Variants in CATSPERE observed in about 807,000 individuals in gnomAD.
CATSPERE encodes the protein cation channel sperm-associated auxiliary subunit epsilon.
Under a neutral mutation model 114.1 loss-of-function variants are expected in CATSPERE, and 93 were observed. The observed-to-expected ratio is 0.81, with a 90% CI of 0.69 to 0.97. CATSPERE has a LOEUF of 0.97. CATSPERE is among the 50% of genes least tolerant of loss of function. The pLI is 0.00. For missense variants in CATSPERE, 1,058 were observed against 1,131.6 expected, an observed-to-expected ratio of 0.93 and a Z score of 0.93; for synonymous variants, 341 against 384.1, an observed-to-expected ratio of 0.89 and a Z score of 1.31.
intron 8 of CATSPERE, among the ~76,000 whole-genome samples, chr1:244,547,776 A>G (rs1659989071): frequency 1.3e-5 from 2 of 152,214 alleles, no homozygotes; most frequent in Non-Finnish European, 2.9e-5. Flanking sequence ...GAAAAGATCT[A>G]TAAAACAACT....
intron 8 of CATSPERE, among the ~76,000 whole-genome samples, chr1:244,542,833 AAAC>A (rs1659073630): frequency 6.6e-6 from 1 of 152,194 alleles, no homozygotes; most frequent in Non-Finnish European, 1.5e-5. Flanking sequence ...TACAGATTCC[AAAC>A]AACAATACAA....
chr1:244,502,446 C>T (rs1020425033), intron 7 of CATSPERE, among the ~76,000 whole-genome samples: 4 of 152,104 alleles, frequency 2.6e-5, no homozygotes, highest in African/African-American at 7.2e-5. Flanking sequence ...AGTTCGTTTT[C>T]ATCTAATAGA....
Position 244,607,666 on chromosome 1 carries a change from CA to C in CATSPERE, c.2403+1873del, listed in dbSNP as rs1020769754. Among the ~76,000 whole-genome samples, 1 of 152,216 alleles carries C rather than the reference CA, an allele frequency of 6.6e-6. No homozygotes were observed. The highest frequency in any genetic ancestry group is 2.4e-5 in the African/African-American group (1 of 41,450). On this transcript the variant is annotated intron_variant, in intron 18 of 21. Coordinates refer to ENST00000366534, the MANE Select transcript of CATSPERE (RefSeq NM_001130957.2). The surrounding 1 kb of genome is among the most constrained non-coding windows in gnomAD (Gnocchi z 4.4). ...CATCATACCTCACATCAGTGTATTA[CA>C]GCAACAAGTAAGGCTGGAGTAGATG... is the stretch of plus-strand genomic sequence containing the variant.
chr1:244,481,297 A>C (rs1670227427), intron 5 of CATSPERE, among the ~76,000 whole-genome samples: 1 of 151,618 alleles, frequency 6.6e-6, no homozygotes, highest in African/African-American at 2.4e-5. Flanking sequence ...AAAATACAAA[A>C]AGAATTAGCC....
At chr1:244,497,441 C>T (rs1201957553) in intron 6 of CATSPERE, among the ~76,000 whole-genome samples, 1 of 152,030 alleles carries the variant, frequency 6.6e-6, no homozygotes, top group Non-Finnish European at 1.5e-5. Context: ...CCAAGTGGAA[C>T]TTGAACATAT....
chr1:244,596,044 T>TA (rs1403632600), intron 17 of CATSPERE, among the ~76,000 whole-genome samples: 2 of 152,210 alleles, frequency 1.3e-5, no homozygotes, highest in Non-Finnish European at 2.9e-5. Context: ...ACTGTATTGG[T>TA]AGTCCTGGTG....
At chr1:244,578,841 T>TATATATATATATATAC (rs1260605917) in intron 11 of CATSPERE, among the ~76,000 whole-genome samples, 1 of 146,632 alleles carries the variant, frequency 6.8e-6, no homozygotes, top group African/African-American at 2.5e-5. Flanking sequence ...TATATATATA[T>TATATATATATATATAC]ATACACACAC....
intron 20 of CATSPERE, among the ~76,000 whole-genome samples, chr1:244,625,363 A>C (rs1477920092): frequency 4.3e-3 from 37 of 8,632 alleles, no homozygotes; most frequent in Non-Finnish European, 0.018. Flanking sequence ...GGGGGGGTTT[A>C]TTTATTTATT....
intron 7 of CATSPERE, among the ~76,000 whole-genome samples, chr1:244,517,860 T>A (rs1676899099): frequency 6.6e-6 from 1 of 151,978 alleles, no homozygotes; most frequent in African/African-American, 2.4e-5. Flanking sequence ...GGTTCTACTA[T>A]CAGATAACCC....
chr1:244,585,974 T>C (rs757187971), intron 13 of CATSPERE, among the ~76,000 whole-genome samples: 4 of 152,206 alleles, frequency 2.6e-5, no homozygotes, highest in Non-Finnish European at 4.4e-5. Flanking sequence ...AGCATTTGTG[T>C]TGAGGGCCTT....
At chr1:244,477,729 A>C in intron 3 of CATSPERE, 115 bp downstream of exon 3, 1 of 962,094 alleles carries the variant, frequency 1.0e-6, no homozygotes, top group Non-Finnish European at 1.6e-6. Context: ...CATTAAGTAG[A>C]TGTGAAAAGC....
intron 8 of CATSPERE, among the ~76,000 whole-genome samples, chr1:244,546,644 AT>A (rs1457789597): frequency 2.6e-5 from 4 of 152,194 alleles, no homozygotes; most frequent in African/African-American, 9.7e-5. Context: ...ACAGAGATTG[AT>A]TTTTTTAATC....
chr1:244,492,138 C>A, intron 6 of CATSPERE, among the ~76,000 whole-genome samples: 1 of 151,684 alleles, frequency 6.6e-6, no homozygotes, highest in East Asian at 1.9e-4. Flanking sequence ...AGAGACACAA[C>A]CAAAAAAGAG....
intron 19 of CATSPERE, among the ~76,000 whole-genome samples, chr1:244,616,880 G>A (rs561186885): frequency 6.6e-6 from 1 of 152,320 alleles, no homozygotes; most frequent in East Asian, 1.9e-4. Flanking sequence ...GAAGCTTTCA[G>A]AGAGCAAGAA....
chr1:244,554,135 G>A (rs3005994), intron 9 of CATSPERE, among the ~76,000 whole-genome samples: 151,081 of 152,338 alleles, frequency 0.99, 74,929 homozygotes, highest in Middle Eastern at 1. Flanking sequence ...ATAAACCTGC[G>A]AGTACAGGTG....
intron 8 of CATSPERE, among the ~76,000 whole-genome samples, chr1:244,551,295 TG>T (rs1558478891): frequency 1.3e-5 from 2 of 152,138 alleles, no homozygotes; most frequent in African/African-American, 4.8e-5. Context: ...GAGACAGTAA[TG>T]AAGGGAAACC....
intron 7 of CATSPERE, among the ~76,000 whole-genome samples, 163 bp from the exon 8 acceptor site, chr1:244,518,429 G>A (rs1676984439): frequency 6.6e-6 from 1 of 152,132 alleles, no homozygotes; most frequent in Non-Finnish European, 1.5e-5. Flanking sequence ...ATGGGGAGGA[G>A]GCTATAAGGT....
chr1:244,522,176 G>A lies in CATSPERE; in HGVS notation c.536+3478G>A, dbSNP rs1677684296. Among the ~76,000 whole-genome samples the A allele has an allele frequency of 2.0e-5, 3 of 152,232 alleles. No individual in the cohort carries two copies. The South Asian group carries it at 6.2e-4, about 32-fold the overall frequency. On this transcript the variant is annotated intron_variant, in intron 8 of 21. Transcript: ENST00000366534. Reference sequence around the variant, plus strand: ...CAATCAAACTAGAACTCAGGATTAAGAATCTCACTCAAAACCGCTCAACTA... The same window carrying A: ...CAATCAAACTAGAACTCAGGATTAAAAATCTCACTCAAAACCGCTCAACTA...
At chr1:244,579,104 A>G (rs1310985807) in intron 11 of CATSPERE, among the ~76,000 whole-genome samples, 1 of 152,104 alleles carries the variant, frequency 6.6e-6, no homozygotes, top group Non-Finnish European at 1.5e-5. Flanking sequence ...TTGCTGTGAT[A>G]TGCAATTTAC....
Sources: gnomAD v4.1 joint callset for allele counts (sites outside exome capture counted in the v4.1 genomes callset) on GRCh38, gnomAD v4.1.1 for gene constraint, Gnocchi (gnomAD v3.1) non-coding constraint, MANE v1.5 for transcripts, NCBI Gene and HGNC (gene_info 2026-07-23, HGNC 2026-07-21) for gene names.